Variants in CNTN5 observed in about 807,000 individuals in gnomAD.
CNTN5 encodes contactin-5.
A neutral mutation model predicts 129.1 loss-of-function variants in CNTN5; 77 were observed. The observed-to-expected ratio is 0.60, with a 90% CI of 0.50 to 0.72. CNTN5 has a LOEUF of 0.72. Ranked by LOEUF, CNTN5 falls within the 30% of genes least tolerant of loss-of-function variation. CNTN5 has a pLI of 0.00. For missense variants in CNTN5, 1,478 were observed against 1,328.8 expected (o/e 1.11, Z -1.75); for synonymous variants, 509 against 465.6 (o/e 1.09, Z -1.20).
chr11:99,846,134 A>ACG (rs1247477455), intron 6 of CNTN5, among the ~76,000 whole-genome samples: 1 of 148,354 alleles, frequency 6.7e-6, no homozygotes, highest in Non-Finnish European at 1.5e-5. Context: ...ACATAGACAC[A>ACG]CACACACACA....
intron 21 of CNTN5, among the ~76,000 whole-genome samples, chr11:100,311,086 T>C (rs1951462971): frequency 6.6e-6 from 1 of 150,568 alleles, no homozygotes; most frequent in Non-Finnish European, 1.5e-5. Flanking sequence ...TAATAGACCC[T>C]GGGGAGGGCC....
intron 1 of CNTN5, among the ~76,000 whole-genome samples, chr11:99,223,657 G>A (rs1024674107): frequency 1.3e-5 from 2 of 152,110 alleles, no homozygotes; most frequent in Non-Finnish European, 2.9e-5. Flanking sequence ...ATACTTGAGA[G>A]GCTCTAATTA....
chr11:99,451,385 C>T (rs1040342299), intron 2 of CNTN5, among the ~76,000 whole-genome samples: 1 of 152,016 alleles, frequency 6.6e-6, no homozygotes, highest in Non-Finnish European at 1.5e-5. Flanking sequence ...AAAAAATATA[C>T]AAATAGTACA....
chr11:99,232,225 A>C (rs567569576), intron 1 of CNTN5, among the ~76,000 whole-genome samples: 2 of 152,160 alleles, frequency 1.3e-5, no homozygotes, highest in Admixed American at 6.5e-5. Flanking sequence ...CACTGAATCT[A>C]TAAATTATTT....
At chr11:99,938,486 G>A (rs775954966) in intron 7 of CNTN5, among the ~76,000 whole-genome samples, 1 of 152,124 alleles carries the variant, frequency 6.6e-6, no homozygotes. Context: ...ATCTACCCAG[G>A]GAATCATGGC....
At position 100,193,634 on chromosome 11, in the gene CNTN5, G is replaced by C. The variant is rs116030184; in HGVS notation, c.1855G>C (p.Glu619Gln). 8.6e-4 allele frequency: 1,392 copies of C among 1,611,884 alleles called. 15 individuals carry two copies. In the African/African-American group the frequency reaches 0.017, roughly 19 times the overall value. ...AGGACAGCCTATTGATTTCGAGGAAGAGGGTGGACATTTTGAAAGCATCAG... is the reference window on the plus strand; with the variant it reads ...AGGACAGCCTATTGATTTCGAGGAACAGGGTGGACATTTTGAAAGCATCAG... Reference protein sequence around the residue: ...LKGQPIDFEEEGGHFESIRAQ... With the variant: ...LKGQPIDFEEQGGHFESIRAQ... The change falls in exon 15 of 25, where the codon GAG becomes CAG. Residue 619 changes from glutamate to glutamine, a missense_variant. Transcript: ENST00000524871.
intron 6 of CNTN5, among the ~76,000 whole-genome samples, chr11:99,893,447 G>A (rs528500170): frequency 1.6e-4 from 24 of 152,190 alleles, no homozygotes; most frequent in South Asian, 2.1e-4. Context: ...AAAAGTTTGC[G>A]TTCAGATAGT....
At chr11:100,313,280 A>G (rs1334964763) in intron 21 of CNTN5, among the ~76,000 whole-genome samples, 1 of 152,006 alleles carries the variant, frequency 6.6e-6, no homozygotes, top group Non-Finnish European at 1.5e-5. Context: ...TAATCCAAGC[A>G]AGAAATGATG....
chr11:99,506,073 T>C (rs1359817494), intron 2 of CNTN5, among the ~76,000 whole-genome samples: 1 of 152,190 alleles, frequency 6.6e-6, no homozygotes, highest in Admixed American at 6.5e-5. Context: ...GCATAATGCA[T>C]TCCAGCTTGT....
intron 1 of CNTN5, among the ~76,000 whole-genome samples, chr11:99,079,396 T>A (rs1038745332): frequency 6.6e-6 from 1 of 152,124 alleles, no homozygotes; most frequent in African/African-American, 2.4e-5. Flanking sequence ...CAGTTTTAGA[T>A]GCTATGGTTA....
At position 99,995,187 on chromosome 11, in the gene CNTN5, A is replaced by T. The variant is rs1470347135; in HGVS notation, c.878-6847A>T. ...TAATTCCCTTCTATGTCCTCAGTAA[A>T]CTGATTAGAAAAATGAAACCCAGAG... On this transcript the variant is annotated intron_variant, in intron 8 of 24. Transcript: ENST00000524871. 2.6e-5 allele frequency among the ~76,000 whole-genome samples: 4 copies of T among 152,164 alleles called. No homozygotes were observed. The East Asian group carries it at 7.7e-4, about 29-fold the overall frequency.
chr11:100,038,324 T>G (rs1440787518), intron 9 of CNTN5, among the ~76,000 whole-genome samples: 1 of 152,222 alleles, frequency 6.6e-6, no homozygotes. Context: ...TGCACTATGG[T>G]CTGAGAGACA....
At chr11:99,033,137 TG>T (rs1230526825) in intron 1 of CNTN5, among the ~76,000 whole-genome samples, 3 of 150,966 alleles carry the variant, frequency 2.0e-5, no homozygotes, top group African/African-American at 7.4e-5. Flanking sequence ...ATCTCTGTTT[TG>T]GTACCAGTAC....
intron 13 of CNTN5, among the ~76,000 whole-genome samples, chr11:100,081,095 C>T (rs1001218364): frequency 6.6e-6 from 1 of 152,042 alleles, no homozygotes; most frequent in East Asian, 1.9e-4. Flanking sequence ...AAGCTAACTG[C>T]ACAAGACTCT....
intron 7 of CNTN5, among the ~76,000 whole-genome samples, chr11:99,923,244 T>A (rs1347418217): frequency 2.6e-5 from 4 of 152,182 alleles, no homozygotes; most frequent in African/African-American, 9.6e-5. Flanking sequence ...CTTGTTTGGA[T>A]ACTGAGGTGG....
rs549279622 is a variant in CNTN5 at position 99,961,275 on chromosome 11, A to C, written c.877+4266A>C. Reference sequence around the variant, plus strand: ...CCAAGGGGAAATAAGGGTTTCCATAAGAAGTGGGCATGTAGTTAAACATGG... The same window carrying C: ...CCAAGGGGAAATAAGGGTTTCCATACGAAGTGGGCATGTAGTTAAACATGG... On this transcript the variant is annotated intron_variant, in intron 8 of 24. Transcript: ENST00000524871. Among the ~76,000 whole-genome samples the C allele has an allele frequency of 2.0e-5, 3 of 151,904 alleles. No homozygotes were observed. The East Asian group carries it at 5.8e-4, about 29-fold the overall frequency.
intron 1 of CNTN5, among the ~76,000 whole-genome samples, chr11:99,072,512 A>G (rs1174687863): frequency 2.1e-4 from 32 of 152,034 alleles, no homozygotes; most frequent in Non-Finnish European, 1.5e-5. Context: ...ATAAAATCCC[A>G]TTATGTTTAG....
intron 13 of CNTN5, among the ~76,000 whole-genome samples, chr11:100,182,084 A>AT (rs1948153360): frequency 6.6e-6 from 1 of 152,104 alleles, no homozygotes; most frequent in Admixed American, 6.6e-5. Flanking sequence ...AGTATTCAAA[A>AT]TGGTGTGGGT....
chr11:99,396,255 G>T (rs190833484), intron 2 of CNTN5, among the ~76,000 whole-genome samples: 1 of 151,234 alleles, frequency 6.6e-6, no homozygotes, highest in Non-Finnish European at 1.5e-5. Context: ...TATTAAATAC[G>T]AGCATAATAG....
Sources: gnomAD v4.1 joint callset for allele counts (sites outside exome capture counted in the v4.1 genomes callset) on GRCh38, gnomAD v4.1.1 for gene constraint, MANE v1.5 for transcripts, NCBI Gene and HGNC (gene_info 2026-07-23, HGNC 2026-07-21) for gene names.